The following DNER variants were observed in gnomAD, a reference collection of about 807,000 sequenced individuals.
The protein encoded by DNER is delta and Notch-like epidermal growth factor-related receptor.
A neutral mutation model predicts 78.2 loss-of-function variants in DNER; 33 were observed. That is an observed-to-expected ratio of 0.42 (90% CI 0.32 to 0.56). The LOEUF (loss-of-function observed/expected upper bound fraction) is 0.56, where lower values mean the gene tolerates loss of function less well. Ranked by LOEUF, DNER falls within the 20% of genes least tolerant of loss-of-function variation. DNER has a pLI of 0.11. For missense variants in DNER, 918 were observed against 975.3 expected, an observed-to-expected ratio of 0.94 and a Z score of 0.78; for synonymous variants, 417 against 384.8, an observed-to-expected ratio of 1.08 and a Z score of -0.98.
chr2:229,495,282 T>C (rs1319880422), intron 6 of DNER, among the ~76,000 whole-genome samples: 1 of 152,220 alleles, frequency 6.6e-6, no homozygotes, highest in Non-Finnish European at 1.5e-5. Context: ...TGCCACTTTA[T>C]AACAGAACCA....
At chr2:229,546,802 T>TAGATAGATAGAC (rs141324508) in intron 5 of DNER, 145 bp downstream of exon 5, 16 of 1,107,934 alleles carry the variant, frequency 1.4e-5, no homozygotes, top group Non-Finnish European at 1.8e-5. Flanking sequence ...GATAGATAGA[T>TAGATAGATAGAC]AGACAGACAG....
At chr2:229,441,129 T>C (rs996116472) in intron 8 of DNER, among the ~76,000 whole-genome samples, 7 of 152,150 alleles carry the variant, frequency 4.6e-5, no homozygotes, top group African/African-American at 1.7e-4. Context: ...TAATGCATCT[T>C]ATCCTGCAGC....
intron 1 of DNER, among the ~76,000 whole-genome samples, chr2:229,608,961 G>A (rs1401135348): frequency 1.3e-5 from 2 of 152,062 alleles, no homozygotes; most frequent in East Asian, 1.9e-4. Flanking sequence ...AGTGGCTCAC[G>A]CCTGTAATTG....
At chr2:229,490,757 AAAAC>A (rs948588427) in intron 6 of DNER, among the ~76,000 whole-genome samples, 2 of 152,200 alleles carry the variant, frequency 1.3e-5, no homozygotes, top group Non-Finnish European at 2.9e-5. Context: ...GTTATTTAAA[AAAAC>A]AAACAAACTT....
intron 10 of DNER, among the ~76,000 whole-genome samples, chr2:229,399,899 AT>A (rs1693231029): frequency 6.6e-6 from 1 of 152,068 alleles, no homozygotes; most frequent in Non-Finnish European, 1.5e-5. Flanking sequence ...GATTCTAACT[AT>A]ATTACAACTG....
intron 1 of DNER, among the ~76,000 whole-genome samples, chr2:229,705,713 C>A (rs889387869): frequency 3.9e-5 from 6 of 152,210 alleles, no homozygotes; most frequent in South Asian, 2.1e-4. Flanking sequence ...GACTCATATT[C>A]ACTTTTATCA....
chr2:229,596,220 A>G (rs114412799), intron 1 of DNER, among the ~76,000 whole-genome samples: 2,403 of 152,324 alleles, frequency 0.016, 64 homozygotes, highest in African/African-American at 0.055. Flanking sequence ...GATGTTATAT[A>G]CACGCAGCTG....
intron 7 of DNER, among the ~76,000 whole-genome samples, chr2:229,450,108 G>T (rs766567593): frequency 4.5e-4 from 69 of 152,164 alleles, no homozygotes; most frequent in Non-Finnish European, 6.9e-4. Context: ...AGGACATTTT[G>T]ATTATTTTTG....
intron 8 of DNER, among the ~76,000 whole-genome samples, chr2:229,430,890 A>T (rs959247165): frequency 6.6e-6 from 1 of 152,060 alleles, no homozygotes; most frequent in African/African-American, 2.4e-5. Flanking sequence ...CTAACTTTTT[A>T]AAATATTTTT....
At chr2:229,639,069 G>A (rs747624239) in intron 1 of DNER, among the ~76,000 whole-genome samples, 1 of 152,124 alleles carries the variant, frequency 6.6e-6, no homozygotes, top group Non-Finnish European at 1.5e-5. Flanking sequence ...GTGAGGTTAG[G>A]TTTATACCCT....
At chr2:229,491,310 T>C (rs1188766541) in intron 6 of DNER, among the ~76,000 whole-genome samples, 2 of 152,180 alleles carry the variant, frequency 1.3e-5, no homozygotes, top group South Asian at 2.1e-4. Context: ...CCATTCCTCA[T>C]AGACGGCACC....
At chr2:229,475,599 C>T (rs751982438) in intron 7 of DNER, among the ~76,000 whole-genome samples, 68 of 152,222 alleles carry the variant, frequency 4.5e-4, no homozygotes, top group Non-Finnish European at 7.9e-4. Context: ...TGGCACAGTG[C>T]CTGGTATACG....
intron 11 of DNER, among the ~76,000 whole-genome samples, chr2:229,372,632 G>A (rs1692511172): frequency 6.6e-6 from 1 of 152,184 alleles, no homozygotes; most frequent in Non-Finnish European, 1.5e-5. Context: ...GTCAGTGTTG[G>A]AAACAGTGGG....
intron 7 of DNER, among the ~76,000 whole-genome samples, chr2:229,457,866 G>A (rs758660963): frequency 3.8e-4 from 58 of 151,654 alleles, no homozygotes; most frequent in Non-Finnish European, 7.2e-4. Flanking sequence ...GGACAGGTGC[G>A]GTGGCTTACA....
intron 8 of DNER, among the ~76,000 whole-genome samples, chr2:229,433,827 T>C (rs1694067110): frequency 6.6e-6 from 1 of 152,226 alleles, no homozygotes; most frequent in African/African-American, 2.4e-5. Context: ...TATCATATAC[T>C]AGACATTTGT....
intron 1 of DNER, among the ~76,000 whole-genome samples, chr2:229,673,974 C>T (rs1017023719): frequency 5.9e-5 from 9 of 152,204 alleles, no homozygotes; most frequent in Admixed American, 2.0e-4. Context: ...TTGTCATCCC[C>T]GCTGCTCCTT....
intron 8 of DNER, among the ~76,000 whole-genome samples, chr2:229,437,566 A>G (rs1694148598): frequency 6.6e-6 from 1 of 152,238 alleles, no homozygotes; most frequent in Admixed American, 6.5e-5. Flanking sequence ...GGACTCAGGA[A>G]GTAGACTACC....
At chr2:229,445,670 A>G (rs1559353709) in intron 8 of DNER, among the ~76,000 whole-genome samples, 3 of 152,216 alleles carry the variant, frequency 2.0e-5, no homozygotes, top group Admixed American at 2.0e-4. Context: ...AAGACACAAC[A>G]CAGAAACCTC....
At chr2:229,668,435 TATATATAC>T (rs1559201954) in intron 1 of DNER, among the ~76,000 whole-genome samples, 1 of 106,634 alleles carries the variant, frequency 9.4e-6, no homozygotes, top group East Asian at 2.6e-4. Context: ...TATATATATA[TATATATAC>T]ACTTATATAT....
Sources: gnomAD v4.1 joint callset for allele counts (sites outside exome capture counted in the v4.1 genomes callset) on GRCh38, gnomAD v4.1.1 for gene constraint, MANE v1.5 for transcripts, NCBI Gene and HGNC (gene_info 2026-07-23, HGNC 2026-07-21) for gene names.